The following KCNAB1 variants were observed in gnomAD, a reference collection of about 807,000 sequenced individuals.
KCNAB1 encodes the protein potassium voltage-gated channel subfamily A regulatory beta subunit 1.
KCNAB1 carries 35 observed loss-of-function variants against 64.6 expected under a neutral mutation model. The ratio of observed to expected loss-of-function variants is 0.54; its 90% CI spans 0.41 to 0.72. KCNAB1 has a LOEUF of 0.72. KCNAB1 is among the 30% of genes least tolerant of loss of function. KCNAB1 has a pLI of 0.00. For missense variants in KCNAB1, 401 were observed against 512.9 expected (o/e 0.78, Z 2.11); for synonymous variants, 177 against 183.8 (o/e 0.96, Z 0.30).
At chr3:156,336,256 G>A (rs759363952) in intron 1 of KCNAB1, among the ~76,000 whole-genome samples, 15 of 152,138 alleles carry the variant, frequency 9.9e-5, no homozygotes, top group Admixed American at 2.6e-4. Context: ...CAGCTACTTG[G>A]GAGGCTGAGG....
At chr3:156,437,070 T>A (rs1286139947) in intron 2 of KCNAB1, among the ~76,000 whole-genome samples, 1 of 152,040 alleles carries the variant, frequency 6.6e-6, no homozygotes, top group African/African-American at 2.4e-5. Context: ...GTCTTGCATA[T>A]TTTTTTTAAA....
intron 8 of KCNAB1, among the ~76,000 whole-genome samples, chr3:156,490,875 G>A (rs1576934079): frequency 6.6e-6 from 1 of 152,026 alleles, no homozygotes; most frequent in African/African-American, 2.4e-5. Context: ...AATAGAGATT[G>A]ACGCAAAGAA....
rs565234220 is a variant in KCNAB1, at chr3:156,150,293, G to A, written c.275+29407G>A. Among the ~76,000 whole-genome samples, 3 of 152,294 alleles carry A rather than the reference G, an allele frequency of 2.0e-5. No individual in the cohort carries two copies. In the South Asian group the frequency reaches 6.2e-4, roughly 32 times the overall value. On this transcript the variant is annotated intron_variant, in intron 1 of 13. Transcript: ENST00000490337. ...TCTAAAATAAGTATGTTTTCAAAGT[G>A]TCAGTTTAGATAGAAAATGCTTAGA...
chr3:156,170,477 C>T (rs1012112833), intron 1 of KCNAB1, among the ~76,000 whole-genome samples: 9 of 152,134 alleles, frequency 5.9e-5, no homozygotes, highest in African/African-American at 1.9e-4. Context: ...AATGAAGTGT[C>T]ATCCTGGCCG....
rs1236103081 is a variant in KCNAB1, at chr3:156,279,236, G to A, written c.276-142380G>A. On this transcript the variant is annotated intron_variant, in intron 1 of 13. Transcript: ENST00000490337. The stretch of plus-strand genomic sequence containing the variant: ...GCGGTGTTTGGTTTTTTGTTCTTGC[G>A]ATAGTTTACTGAGAATGATGATTTC... Among the ~76,000 whole-genome samples the A allele has an allele frequency of 2.6e-4, 39 of 150,420 alleles. No homozygotes were observed. In the East Asian group the frequency reaches 6.3e-3, roughly 24 times the overall value.
intron 1 of KCNAB1, among the ~76,000 whole-genome samples, chr3:156,137,495 A>G: frequency 6.6e-6 from 1 of 151,820 alleles, no homozygotes; most frequent in East Asian, 1.9e-4. Context: ...CTAGAAAAAC[A>G]CCAATGAATG....
intron 1 of KCNAB1, among the ~76,000 whole-genome samples, chr3:156,304,596 T>C (rs977663188): frequency 1.3e-5 from 2 of 152,238 alleles, no homozygotes; most frequent in African/African-American, 2.4e-5. Flanking sequence ...AACAAGGTTT[T>C]AATTTCCCTT....
intron 8 of KCNAB1, among the ~76,000 whole-genome samples, chr3:156,497,862 G>C (rs1716112253): frequency 6.6e-6 from 1 of 152,160 alleles, no homozygotes; most frequent in Non-Finnish European, 1.5e-5. Context: ...AAATGATATA[G>C]ATACATAGGG....
chr3:156,475,632 C>T (rs1322154374), intron 8 of KCNAB1, among the ~76,000 whole-genome samples: 1 of 152,104 alleles, frequency 6.6e-6, no homozygotes, highest in Non-Finnish European at 1.5e-5. Flanking sequence ...ATGTGGATTA[C>T]CACTTTTAAA....
At chr3:156,241,090 G>A (rs1717136644) in intron 1 of KCNAB1, among the ~76,000 whole-genome samples, 1 of 152,238 alleles carries the variant, frequency 6.6e-6, no homozygotes, top group Admixed American at 6.5e-5. Context: ...CTTCCAGCCT[G>A]CCATGTGCAG....
At chr3:156,378,731 C>T (rs1711911871) in intron 1 of KCNAB1, among the ~76,000 whole-genome samples, 1 of 152,072 alleles carries the variant, frequency 6.6e-6, no homozygotes. Context: ...TCTCTAGAAC[C>T]CAACATAGTG....
intron 5 of KCNAB1, among the ~76,000 whole-genome samples, chr3:156,461,785 A>G (rs1460421848): frequency 6.6e-6 from 1 of 152,194 alleles, no homozygotes; most frequent in Admixed American, 6.5e-5. Flanking sequence ...ATCACCATGC[A>G]TTTTCCACAA....
intron 1 of KCNAB1, among the ~76,000 whole-genome samples, chr3:156,269,803 T>C (rs1166553543): frequency 1.3e-5 from 2 of 152,198 alleles, no homozygotes; most frequent in African/African-American, 2.4e-5. Flanking sequence ...TTGCTCTTTT[T>C]TGGTTTCCAT....
chr3:156,158,211 T>G (rs1715870081), intron 1 of KCNAB1, among the ~76,000 whole-genome samples: 1 of 141,582 alleles, frequency 7.1e-6, no homozygotes, highest in Non-Finnish European at 1.6e-5. Context: ...AATAAATAAA[T>G]AAATAAATAA....
chr3:156,199,155 T>C (rs1444703783), intron 1 of KCNAB1, among the ~76,000 whole-genome samples: 1 of 152,150 alleles, frequency 6.6e-6, no homozygotes, highest in Non-Finnish European at 1.5e-5. Flanking sequence ...CCCCACTCTC[T>C]TCTGAGTTGT....
chr3:156,173,161 G>A (rs1712121645), intron 1 of KCNAB1, among the ~76,000 whole-genome samples: 1 of 152,210 alleles, frequency 6.6e-6, no homozygotes, highest in African/African-American at 2.4e-5. Context: ...TGCTGTCTAA[G>A]AGGGGCAGGG....
chr3:156,439,903 G>A (rs150106016), intron 2 of KCNAB1, among the ~76,000 whole-genome samples: 1 of 152,230 alleles, frequency 6.6e-6, no homozygotes, highest in Non-Finnish European at 1.5e-5. Flanking sequence ...TGTGTATTCA[G>A]GTGTGGTGGC....
chr3:156,120,575 G>T, upstream of KCNAB1: 2 of 1,611,234 alleles, frequency 1.2e-6, no homozygotes, highest in South Asian at 2.2e-5. Flanking sequence ...TTACTTTGAT[G>T]ACAGTGACTT....
chr3:156,420,018 G>A (rs978128774), intron 1 of KCNAB1, among the ~76,000 whole-genome samples: 17 of 152,236 alleles, frequency 1.1e-4, no homozygotes, highest in African/African-American at 2.6e-4. Flanking sequence ...AATTATTTTC[G>A]TCCCATTTAG....
Sources: gnomAD v4.1 joint callset for allele counts (sites outside exome capture counted in the v4.1 genomes callset) on GRCh38, gnomAD v4.1.1 for gene constraint, MANE v1.5 for transcripts, NCBI Gene and HGNC (gene_info 2026-07-23, HGNC 2026-07-21) for gene names.